CCDC178: variants seen among roughly 807,000 people sequenced by gnomAD.
The protein encoded by CCDC178 is coiled-coil domain-containing protein 178.
In CCDC178, 126 loss-of-function variants were observed where a neutral mutation model predicts 117.4. That is an observed-to-expected ratio of 1.07 (90% CI 0.93 to 1.24). The LOEUF (loss-of-function observed/expected upper bound fraction) is 1.24. CCDC178 is among the 50% of genes most tolerant of loss of function. The pLI is 0.00. For synonymous variants in CCDC178, 283 were observed against 313.4 expected (o/e 0.90, Z 1.02); for missense variants, 1,030 against 986.9 (o/e 1.04, Z -0.59).
intron 3 of CCDC178, among the ~76,000 whole-genome samples, chr18:33,409,145 G>C (rs905530562): frequency 6.6e-6 from 1 of 152,066 alleles, no homozygotes. Flanking sequence ...ACCCAAGCTG[G>C]AGTGCAGAGC....
intron 11 of CCDC178, 43 bp from the exon 12 acceptor site, chr18:33,293,355 AAAATATATTTT>A: frequency 1.6e-6 from 2 of 1,247,562 alleles, no homozygotes; most frequent in Non-Finnish European, 2.2e-6. Flanking sequence ...ATTAAAAGAA[AAAATATATTTT>A]AAATTATACT....
intron 6 of CCDC178, among the ~76,000 whole-genome samples, chr18:33,365,828 G>A (rs562266722): frequency 1.3e-5 from 2 of 152,024 alleles, no homozygotes; most frequent in East Asian, 1.9e-4. Flanking sequence ...ATAAGGTAGA[G>A]GAAAAAAATA....
chr18:33,235,365 C>T (rs928632658), intron 15 of CCDC178, among the ~76,000 whole-genome samples: 2 of 152,086 alleles, frequency 1.3e-5, no homozygotes, highest in African/African-American at 2.4e-5. Context: ...TAATGTCTTA[C>T]GACTCTACCA....
rs1742253472 is a variant in CCDC178, at chr18:33,247,298, G to A, written c.1410-1870C>T. On this transcript the variant is annotated intron_variant, in intron 14 of 22. Transcript: ENST00000383096. ...CATTCTGACAAAGAACTTAAAATAA[G>A]TATATTTAAAATGCTCAAAGATCTA... 2.0e-5 allele frequency among the ~76,000 whole-genome samples: 3 copies of A among 151,690 alleles called. No individual in the cohort carries two copies. In the South Asian group the frequency reaches 6.2e-4, roughly 31 times the overall value.
At chr18:33,005,034 A>G (rs900601764) in intron 21 of CCDC178, among the ~76,000 whole-genome samples, 6 of 152,138 alleles carry the variant, frequency 3.9e-5, no homozygotes, top group Non-Finnish European at 8.8e-5. Context: ...AATTAGTACA[A>G]CCACTATGGA....
chr18:33,376,578 G>A (rs889079030), intron 5 of CCDC178, among the ~76,000 whole-genome samples: 1 of 152,048 alleles, frequency 6.6e-6, no homozygotes, highest in African/African-American at 2.4e-5. Flanking sequence ...ATAATGGTTA[G>A]TTTTTTAACC....
intron 21 of CCDC178, among the ~76,000 whole-genome samples, chr18:32,984,298 C>T (rs984043824): frequency 6.6e-6 from 1 of 151,934 alleles, no homozygotes; most frequent in Non-Finnish European, 1.5e-5. Context: ...CTGATCTACA[C>T]AGACACTATT....
intron 6 of CCDC178, 121 bp downstream of exon 6, chr18:33,369,929 C>T (rs2063273122): frequency 1.2e-6 from 1 of 831,758 alleles, no homozygotes; most frequent in Non-Finnish European, 1.8e-6. Context: ...AGCAAAGATT[C>T]TTAAAAAGCA....
chr18:33,339,794 G>A (rs1424159427), intron 9 of CCDC178, among the ~76,000 whole-genome samples: 1 of 152,028 alleles, frequency 6.6e-6, no homozygotes, highest in Non-Finnish European at 1.5e-5. Flanking sequence ...TGCCATGTAA[G>A]AAGTGCCTTT....
intron 21 of CCDC178, among the ~76,000 whole-genome samples, chr18:33,036,373 G>A (rs1266379242): frequency 6.6e-6 from 1 of 151,750 alleles, no homozygotes; most frequent in East Asian, 1.9e-4. Flanking sequence ...CTTGTGATAG[G>A]TACAGAGTAT....
At chr18:33,190,527 T>C (rs1325067436) in intron 20 of CCDC178, among the ~76,000 whole-genome samples, 1 of 152,212 alleles carries the variant, frequency 6.6e-6, no homozygotes, top group Admixed American at 6.5e-5. Context: ...TTCGTAATTA[T>C]TTTCTCTAAG....
At chr18:33,087,924 T>C (rs540694490) in intron 21 of CCDC178, among the ~76,000 whole-genome samples, 1 of 152,180 alleles carries the variant, frequency 6.6e-6, no homozygotes, top group South Asian at 2.1e-4. Context: ...AAGAAAACTG[T>C]GGTTGAAAGT....
At chr18:32,990,908 C>T (rs1005668980) in intron 21 of CCDC178, among the ~76,000 whole-genome samples, 5 of 151,394 alleles carry the variant, frequency 3.3e-5, no homozygotes, top group African/African-American at 4.8e-5. Context: ...AGAGAAAACA[C>T]AAATGGCTTA....
intron 22 of CCDC178, among the ~76,000 whole-genome samples, chr18:32,944,426 G>T (rs745919343): frequency 6.6e-6 from 1 of 152,154 alleles, no homozygotes; most frequent in Non-Finnish European, 1.5e-5. Flanking sequence ...AAGATTATCT[G>T]CTGTAAGTGA....
In CCDC178 at chr18:33,323,632, A is replaced by C; in HGVS notation, c.881T>G (p.Val294Gly). The part of the protein sequence containing the change: ...LKNHYKKKME[V>G]MDLHRKVNEE... ...ATTAACTTTTCTGTGTAGGTCCATT[A>C]CCTAGAAATGAAAATATTTTTGCTT... Residue 294 changes from valine to glycine, a missense_variant and splice_region_variant, in exon 11 of 23, where the codon GTA (valine) becomes GGA (glycine). Transcript: ENST00000383096. The C allele has an allele frequency of 6.8e-7, 1 of 1,475,962 alleles. No individual in the cohort carries two copies. The allele number at this position is 1,475,962 out of a possible 1,614,324, so 91.4% of individuals were successfully genotyped here.
At chr18:33,087,033 G>C (rs906174048) in intron 21 of CCDC178, among the ~76,000 whole-genome samples, 18 of 133,398 alleles carry the variant, frequency 1.3e-4, no homozygotes, top group Admixed American at 5.2e-4. Context: ...GCCATTGGTT[G>C]ACACACACAC....
chr18:33,034,654 G>A (rs2056408401), intron 21 of CCDC178, among the ~76,000 whole-genome samples: 1 of 151,922 alleles, frequency 6.6e-6, no homozygotes. Context: ...ATGCCCCTCT[G>A]CTCTCATAGT....
intron 20 of CCDC178, among the ~76,000 whole-genome samples, chr18:33,199,550 C>T (rs1249583679): frequency 1.3e-5 from 2 of 152,158 alleles, no homozygotes; most frequent in Admixed American, 6.5e-5. Flanking sequence ...CATTCATACC[C>T]ATGGACACCA....
intron 2 of CCDC178, among the ~76,000 whole-genome samples, chr18:33,420,737 C>G (rs1275239169): frequency 6.6e-6 from 1 of 151,990 alleles, no homozygotes; most frequent in Admixed American, 6.6e-5. Context: ...ACTCCCGTAA[C>G]ACACAATTTA....
Sources: allele counts gnomAD v4.1 joint callset (sites outside exome capture counted in the v4.1 genomes callset), GRCh38; gene constraint gnomAD v4.1.1; transcripts MANE v1.5; gene names NCBI Gene and HGNC (gene_info 2026-07-23, HGNC 2026-07-21).